The following FGGY variants were observed in gnomAD, a reference collection of about 807,000 sequenced individuals.
FGGY encodes FGGY carbohydrate kinase domain-containing protein.
Under a neutral mutation model 71.3 loss-of-function variants are expected in FGGY, and 72 were observed. The ratio of observed to expected loss-of-function variants is 1.01; its 90% CI spans 0.84 to 1.23. FGGY has a LOEUF of 1.23. Ranked by LOEUF, FGGY falls within the 50% of genes most tolerant of loss-of-function variation. The pLI is 0.00. For missense variants in FGGY, 668 were observed against 682.3 expected, an observed-to-expected ratio of 0.98 and a Z score of 0.23; for synonymous variants, 251 against 250.3, an observed-to-expected ratio of 1.00 and a Z score of -0.02.
intron 14 of FGGY, among the ~76,000 whole-genome samples, chr1:59,693,223 A>G (rs1355819098): frequency 6.6e-6 from 1 of 152,240 alleles, no homozygotes; most frequent in Non-Finnish European, 1.5e-5. Flanking sequence ...AAGAGTTTGC[A>G]TTGGCATCAG....
At chr1:59,583,047 T>C (rs376787138) in intron 8 of FGGY, among the ~76,000 whole-genome samples, 1 of 117,924 alleles carries the variant, frequency 8.5e-6, no homozygotes, top group South Asian at 4.2e-4. Context: ...GGAACATCAG[T>C]AGGAAGATCT....
intron 9 of FGGY, among the ~76,000 whole-genome samples, chr1:59,611,528 A>G (rs2096678529): frequency 6.6e-6 from 1 of 152,224 alleles, no homozygotes; most frequent in African/African-American, 2.4e-5. Flanking sequence ...CCAAAGGTAG[A>G]TAAAACCACA....
intron 5 of FGGY, among the ~76,000 whole-genome samples, chr1:59,451,700 T>G (rs532648142): frequency 6.6e-6 from 1 of 152,272 alleles, no homozygotes; most frequent in South Asian, 2.1e-4. Context: ...AGACAGTGCT[T>G]ATGAGTTTAC....
At chr1:59,423,690 G>T (rs1229340348) in intron 5 of FGGY, among the ~76,000 whole-genome samples, 1 of 152,114 alleles carries the variant, frequency 6.6e-6, no homozygotes, top group African/African-American at 2.4e-5. Flanking sequence ...TCCTGGTCTG[G>T]CCCTGTTTCT....
chr1:59,470,291 A>G (rs972747224), intron 6 of FGGY, among the ~76,000 whole-genome samples: 7 of 152,274 alleles, frequency 4.6e-5, no homozygotes, highest in African/African-American at 1.4e-4. Context: ...TGACTTTTTA[A>G]TAGCCATTCT....
intron 4 of FGGY, among the ~76,000 whole-genome samples, chr1:59,354,402 G>A (rs1442191672): frequency 6.6e-6 from 1 of 152,132 alleles, no homozygotes; most frequent in African/African-American, 2.4e-5. Flanking sequence ...TTACAGATGA[G>A]GAAACAGGCA....
At chr1:59,457,966 A>G (rs949519060) in intron 6 of FGGY, among the ~76,000 whole-genome samples, 3 of 152,180 alleles carry the variant, frequency 2.0e-5, no homozygotes, top group Non-Finnish European at 4.4e-5. Flanking sequence ...ATTTCTCACA[A>G]CTACTGACAA....
At chr1:59,608,200 A>T (rs1410122573) in intron 9 of FGGY, among the ~76,000 whole-genome samples, 1 of 152,148 alleles carries the variant, frequency 6.6e-6, no homozygotes, top group African/African-American at 2.4e-5. Flanking sequence ...AGAGAAAACG[A>T]CATGTTACTC....
chr1:59,458,496 T>G (rs1455649961), intron 6 of FGGY, among the ~76,000 whole-genome samples: 2 of 152,222 alleles, frequency 1.3e-5, no homozygotes, highest in Non-Finnish European at 2.9e-5. Context: ...ACTTCAACTC[T>G]GATTTTCTGA....
intron 14 of FGGY, among the ~76,000 whole-genome samples, chr1:59,709,861 A>G (rs1169974748): frequency 2.6e-5 from 4 of 152,270 alleles, no homozygotes; most frequent in South Asian, 4.1e-4. Context: ...AGGCTTTCCA[A>G]ATTCTACATG....
intron 9 of FGGY, among the ~76,000 whole-genome samples, chr1:59,621,894 C>T (rs2096812049): frequency 6.6e-6 from 1 of 151,546 alleles, no homozygotes; most frequent in South Asian, 2.1e-4. Flanking sequence ...CTTCTCCTTG[C>T]TCTCTTCCCT....
chr1:59,467,984 A>G (rs1278810229), intron 6 of FGGY, among the ~76,000 whole-genome samples: 10 of 151,816 alleles, frequency 6.6e-5, no homozygotes, highest in Admixed American at 5.2e-4. Context: ...GCTCACTGCA[A>G]CCTCTGCCTC....
intron 1 of FGGY, among the ~76,000 whole-genome samples, chr1:59,312,694 C>T (rs1158576791): frequency 1.3e-5 from 2 of 152,146 alleles, no homozygotes; most frequent in East Asian, 1.9e-4. Flanking sequence ...AGGACCTGTT[C>T]TGTGCATTTG....
At chr1:59,743,057 A>G (rs1250281883) in intron 14 of FGGY, among the ~76,000 whole-genome samples, 2 of 152,178 alleles carry the variant, frequency 1.3e-5, no homozygotes, top group Non-Finnish European at 2.9e-5. Flanking sequence ...ACCTTTTAAC[A>G]TGATTTACAG....
chr1:59,601,199 G>A (rs975656161), intron 8 of FGGY, among the ~76,000 whole-genome samples: 5 of 152,152 alleles, frequency 3.3e-5, no homozygotes, highest in Non-Finnish European at 7.3e-5. Context: ...CTCCCAGGAC[G>A]ACTGGCGCCT....
intron 5 of FGGY, among the ~76,000 whole-genome samples, 175 bp downstream of exon 5, chr1:59,379,012 C>A (rs530275773): frequency 5.8e-4 from 88 of 152,238 alleles, no homozygotes; most frequent in African/African-American, 2.1e-3. Flanking sequence ...TGCCCAAACA[C>A]TGTTGTTCCT....
chr1:59,576,651 A>G (rs994788036), intron 8 of FGGY, among the ~76,000 whole-genome samples: 2 of 135,696 alleles, frequency 1.5e-5, no homozygotes, highest in African/African-American at 6.0e-5. Flanking sequence ...TTTGCTAGAG[A>G]TTACAGACAG....
chr1:59,624,100 G>A (rs2096834913), intron 9 of FGGY, among the ~76,000 whole-genome samples: 1 of 148,070 alleles, frequency 6.8e-6, no homozygotes, highest in East Asian at 2.0e-4. Context: ...GAACCTGAAG[G>A]AGATAAATAT....
Position 59,537,593 on chromosome 1 carries a change from G to A in FGGY, c.800-16531G>A, listed in dbSNP as rs963696134. ...GAGGCATCACGCTACCTGACTTCAAGCTATACTACAAGGGTACAGTAACCA... is the reference window on the plus strand; with the variant it reads ...GAGGCATCACGCTACCTGACTTCAAACTATACTACAAGGGTACAGTAACCA... On this transcript the variant is annotated intron_variant, in intron 7 of 15. Coordinates refer to ENST00000303721, the MANE Select transcript of FGGY (RefSeq NM_018291.5). 4.6e-5 allele frequency among the ~76,000 whole-genome samples: 7 copies of A among 152,188 alleles called. No individual in the cohort carries two copies. In the East Asian group the frequency reaches 5.8e-4, roughly 13 times the overall value.
Sources: allele counts gnomAD v4.1 joint callset (sites outside exome capture counted in the v4.1 genomes callset), GRCh38; gene constraint gnomAD v4.1.1; transcripts MANE v1.5; gene names NCBI Gene and HGNC (gene_info 2026-07-23, HGNC 2026-07-21).